The following TRAPPC3L variants were observed in gnomAD, a reference collection of about 807,000 sequenced individuals.
TRAPPC3L encodes the protein trafficking protein particle complex subunit 3L.
In TRAPPC3L, 23 loss-of-function variants were observed where a neutral mutation model predicts 23.7. The observed-to-expected ratio is 0.97, with a 90% CI of 0.70 to 1.37. TRAPPC3L has a LOEUF of 1.37. Among genes scored for constraint, TRAPPC3L ranks in the 40% most tolerant of loss-of-function variants. The pLI, the probability that TRAPPC3L is intolerant of heterozygous loss-of-function variation, is 0.00. For synonymous variants in TRAPPC3L, 81 were observed against 77.9 expected (o/e 1.04, Z -0.21); for missense variants, 212 against 216.8 (o/e 0.98, Z 0.14).
At chr6:116,530,397 T>C (rs978105850) in intron 3 of TRAPPC3L, among the ~76,000 whole-genome samples, 16 of 152,112 alleles carry the variant, frequency 1.1e-4, no homozygotes, top group Non-Finnish European at 1.2e-4. Context: ...GAGAAAGGAC[T>C]GAAAAAGACT....
chr6:116,530,316 TC>T (rs1201991335), intron 3 of TRAPPC3L, among the ~76,000 whole-genome samples: 7 of 152,312 alleles, frequency 4.6e-5, no homozygotes, highest in African/African-American at 1.7e-4. Context: ...TGGGCACTTT[TC>T]CTATTCACAT....
At chr6:116,539,857 C>T (rs1261735798) in intron 3 of TRAPPC3L, among the ~76,000 whole-genome samples, 2 of 152,162 alleles carry the variant, frequency 1.3e-5, no homozygotes, top group East Asian at 3.8e-4. Flanking sequence ...TAAAAGTGAG[C>T]TAATCCTGGA....
Position 116,545,632 on chromosome 6 carries a change from A to C in TRAPPC3L, c.-118T>G. On this transcript the variant is annotated 5_prime_UTR_variant, in exon 1 of 5. Coordinates refer to ENST00000368602, the MANE Select transcript of TRAPPC3L (RefSeq NM_001139444.3). ...TGTAAGCTCTTCCTCGCTTTGAGACAGGAGTGCTGCTTCTGCACTCTGCTG... is the reference window on the plus strand; with the variant it reads ...TGTAAGCTCTTCCTCGCTTTGAGACCGGAGTGCTGCTTCTGCACTCTGCTG... 1 of 850,702 alleles carries C rather than the reference A, an allele frequency of 1.2e-6. No homozygotes were observed. The allele number at this position is 850,702 out of a possible 1,614,324, so 52.7% of individuals were successfully genotyped here. A position where few individuals can be genotyped will look rare whatever the true frequency, so the allele number is the denominator to read the frequency against.
chr6:116,532,398 G>A (rs536909878), intron 3 of TRAPPC3L, among the ~76,000 whole-genome samples: 1 of 152,170 alleles, frequency 6.6e-6, no homozygotes, highest in Non-Finnish European at 1.5e-5. Context: ...CACCGCGCCC[G>A]GCCGGTTTTT....
intron 3 of TRAPPC3L, among the ~76,000 whole-genome samples, chr6:116,506,683 C>A (rs1364617970): frequency 1.3e-5 from 2 of 152,074 alleles, no homozygotes; most frequent in African/African-American, 2.4e-5. Flanking sequence ...ACCATGCAGC[C>A]ATAAAAAAGG....
At chr6:116,530,197 G>A (rs1772610904) in intron 3 of TRAPPC3L, among the ~76,000 whole-genome samples, 1 of 151,982 alleles carries the variant, frequency 6.6e-6, no homozygotes, top group Admixed American at 6.6e-5. Context: ...GTAAAATACA[G>A]AAGCATAAGG....
chr6:116,530,902 C>CATATATATATATATATAT (rs10557481), intron 3 of TRAPPC3L, among the ~76,000 whole-genome samples: 1 of 76,470 alleles, frequency 1.3e-5, no homozygotes, highest in African/African-American at 5.5e-5. Flanking sequence ...AAGTGAGACT[C>CATATATATATATATATAT]ATATATATAT....
At chr6:116,540,317 T>G in intron 3 of TRAPPC3L, 46 bp downstream of exon 3, 1 of 1,520,462 alleles carries the variant, frequency 6.6e-7, no homozygotes, top group Non-Finnish European at 8.9e-7. Context: ...TCAAAAAGAA[T>G]CAGAGATTTT....
intron 3 of TRAPPC3L, among the ~76,000 whole-genome samples, chr6:116,532,161 T>A (rs963650405): frequency 2.0e-5 from 3 of 152,346 alleles, no homozygotes; most frequent in Non-Finnish European, 2.9e-5. Flanking sequence ...TAGGAGTCTT[T>A]CATTTAAAGA....
intron 1 of TRAPPC3L, among the ~76,000 whole-genome samples, chr6:116,544,968 C>G (rs190988366): frequency 1.3e-5 from 2 of 151,958 alleles, no homozygotes; most frequent in Non-Finnish European, 2.9e-5. Context: ...TTATAAATAA[C>G]TCTTAACCTG....
intron 3 of TRAPPC3L, among the ~76,000 whole-genome samples, chr6:116,537,186 A>C (rs1483414496): frequency 6.6e-6 from 1 of 152,230 alleles, no homozygotes; most frequent in African/African-American, 2.4e-5. Flanking sequence ...CTCATTGACA[A>C]GAAAGAATCT....
At chr6:116,526,219 T>C (rs1409744588) in intron 3 of TRAPPC3L, among the ~76,000 whole-genome samples, 3 of 152,240 alleles carry the variant, frequency 2.0e-5, no homozygotes, top group Non-Finnish European at 4.4e-5. Flanking sequence ...TCAAAACTGT[T>C]CCACTTTGAT....
chr6:116,503,942 C>G (rs1477799794), intron 3 of TRAPPC3L, among the ~76,000 whole-genome samples: 1 of 152,082 alleles, frequency 6.6e-6, no homozygotes, highest in African/African-American at 2.4e-5. Flanking sequence ...AATTAACACC[C>G]TAACATCACA....
chr6:116,506,828 C>A (rs1418942316), intron 3 of TRAPPC3L, among the ~76,000 whole-genome samples: 3 of 152,052 alleles, frequency 2.0e-5, no homozygotes, highest in Non-Finnish European at 4.4e-5. Flanking sequence ...AACACATGGA[C>A]ACAGGTAGGG....
At chr6:116,507,901 T>C (rs1474127962) in intron 3 of TRAPPC3L, among the ~76,000 whole-genome samples, 1 of 152,192 alleles carries the variant, frequency 6.6e-6, no homozygotes, top group African/African-American at 2.4e-5. Context: ...CAAAAATAAG[T>C]AAACTGGTGT....
chr6:116,513,671 T>G (rs1161430253), intron 3 of TRAPPC3L, among the ~76,000 whole-genome samples: 5 of 152,180 alleles, frequency 3.3e-5, no homozygotes, highest in African/African-American at 1.2e-4. Context: ...CAATAGCAGG[T>G]GCTGACTACA....
At chr6:116,534,849 A>G (rs1461334185) in intron 3 of TRAPPC3L, among the ~76,000 whole-genome samples, 1 of 152,168 alleles carries the variant, frequency 6.6e-6, no homozygotes, top group Non-Finnish European at 1.5e-5. Context: ...TTAGATGCTG[A>G]TTTTTTAAAC....
chr6:116,516,872 C>CT (rs375362780), intron 3 of TRAPPC3L: 6 of 152,014 alleles, frequency 3.9e-5, no homozygotes, highest in African/African-American at 1.4e-4. Context: ...ACAGTGCTTA[C>CT]TAGGCCGTGG....
intron 3 of TRAPPC3L, chr6:116,519,859 G>C (rs1772297750): frequency 1.3e-5 from 2 of 152,058 alleles, no homozygotes; most frequent in Admixed American, 1.3e-4. Flanking sequence ...TGTTTTTCCT[G>C]TGCAGTTCCT....
Sources: allele counts gnomAD v4.1 joint callset (sites outside exome capture counted in the v4.1 genomes callset), GRCh38; gene constraint gnomAD v4.1.1; transcripts MANE v1.5; gene names NCBI Gene and HGNC (gene_info 2026-07-23, HGNC 2026-07-21).